The following SV2C variants were observed in gnomAD, a reference collection of about 807,000 sequenced individuals.
The protein encoded by SV2C is synaptic vesicle glycoprotein 2C.
SV2C carries 49 observed loss-of-function variants against 79.7 expected under a neutral mutation model. The observed-to-expected ratio is 0.61, with a 90% CI of 0.49 to 0.78. SV2C has a LOEUF of 0.78. SV2C is among the 30% of genes least tolerant of loss of function. SV2C has a pLI of 0.00. For synonymous variants in SV2C, 334 were observed against 333.2 expected (o/e 1.00, Z -0.03); for missense variants, 833 against 912.9 (o/e 0.91, Z 1.13).
At chr5:76,265,379 C>G (rs1198304883) in intron 4 of SV2C, among the ~76,000 whole-genome samples, 1 of 152,220 alleles carries the variant, frequency 6.6e-6, no homozygotes, top group East Asian at 1.9e-4. Context: ...TGGTTCTTAG[C>G]TTCCTGGGCT....
At chr5:75,949,007 T>C in the SV2C span, among the ~76,000 whole-genome samples, 1 of 151,854 alleles carries the variant, frequency 6.6e-6, no homozygotes, top group East Asian at 2.0e-4. Context: ...TGGGAGGTGT[T>C]TTGGTCATGG....
At chr5:75,879,323 C>T in the SV2C span, among the ~76,000 whole-genome samples, 6 of 152,214 alleles carry the variant, frequency 3.9e-5, no homozygotes, top group Non-Finnish European at 8.8e-5. Flanking sequence ...AGTTCTGTCT[C>T]ATCTGATACT....
the SV2C span, among the ~76,000 whole-genome samples, chr5:75,876,406 T>C: frequency 6.6e-6 from 1 of 151,912 alleles, no homozygotes; most frequent in East Asian, 1.9e-4. Flanking sequence ...CAACAGATAC[T>C]GGGTTCTCCT....
intron 4 of SV2C, 73 bp downstream of exon 4, chr5:76,209,960 C>T: frequency 6.6e-7 from 1 of 1,509,280 alleles, no homozygotes; most frequent in East Asian, 2.4e-5. Context: ...TCTTCTTCCT[C>T]TCTTCTAAGG....
rs188237577 is a variant in SV2C at position 76,281,351 on chromosome 5, T to A, written c.914-3811T>A. 4.3e-4 allele frequency: 151 copies of A among 348,104 alleles called. 2 individuals are homozygous for A. Among genetic ancestry groups the A allele is most frequent in the East Asian group, 2.7e-3 (35 of 13,124 alleles). The allele number at this position is 348,104 out of a possible 1,614,324, so 21.6% of individuals were successfully genotyped here. ...AAGATCTGATTTAAAATTTACTTTG[T>A]TTATTGTCTATATGCCTTTTTTAAA... On this transcript the variant is annotated intron_variant, in intron 4 of 12. Coordinates refer to ENST00000502798, the MANE Select transcript of SV2C (RefSeq NM_014979.4).
rs372393790 is a variant in SV2C, at chr5:76,318,354, G to T, written c.2001-7010G>T. Reference sequence around the variant, plus strand: ...AATCATTTGAACCTGGGAGGCGGAGGTTGCAGTGAGCCGAGATCGTGCCAC... The same window carrying T: ...AATCATTTGAACCTGGGAGGCGGAGTTTGCAGTGAGCCGAGATCGTGCCAC... On this transcript the variant is annotated intron_variant, in intron 12 of 12. Transcript: ENST00000502798. Among the ~76,000 whole-genome samples the T allele has an allele frequency of 3.3e-5, 5 of 152,128 alleles. No homozygotes were observed. In the East Asian group the frequency reaches 5.8e-4, roughly 18 times the overall value.
chr5:76,337,668 AT>A (rs1749354287), downstream of SV2C, among the ~76,000 whole-genome samples: 1 of 152,046 alleles, frequency 6.6e-6, no homozygotes. Flanking sequence ...TTCAGAGGGG[AT>A]GATAAAGACA....
At chr5:76,350,735 G>C (rs185168366) in intron 12 of SV2C, among the ~76,000 whole-genome samples, 1 of 152,332 alleles carries the variant, frequency 6.6e-6, no homozygotes, top group East Asian at 1.9e-4. Context: ...TGTAAGATGG[G>C]CTGGGCATGG....
intron 2 of SV2C, among the ~76,000 whole-genome samples, chr5:76,177,750 G>T (rs1743585530): frequency 6.6e-6 from 1 of 151,978 alleles, no homozygotes; most frequent in Non-Finnish European, 1.5e-5. Flanking sequence ...ACTTGGACAA[G>T]GCTTGGCTAG....
intron 4 of SV2C, among the ~76,000 whole-genome samples, chr5:76,221,998 A>G (rs1333599268): frequency 6.6e-6 from 1 of 152,244 alleles, no homozygotes; most frequent in Non-Finnish European, 1.5e-5. Flanking sequence ...GTATTAAAAA[A>G]TTAGTATAAA....
chr5:76,136,872 G>A (rs1749087781), intron 2 of SV2C, among the ~76,000 whole-genome samples: 1 of 152,192 alleles, frequency 6.6e-6, no homozygotes, highest in African/African-American at 2.4e-5. Context: ...GCGTAGTAGT[G>A]TTGGAGCTGA....
At chr5:75,937,120 T>G in the SV2C span, among the ~76,000 whole-genome samples, 2 of 152,232 alleles carry the variant, frequency 1.3e-5, no homozygotes, top group African/African-American at 2.4e-5. Flanking sequence ...TTAAAAACAT[T>G]GAGAATTAAA....
chr5:76,124,242 G>A (rs544952344), intron 1 of SV2C, among the ~76,000 whole-genome samples: 5 of 152,044 alleles, frequency 3.3e-5, no homozygotes, highest in East Asian at 1.9e-4. Flanking sequence ...CTGAAACTCC[G>A]TATCCATCAG....
chr5:75,899,107 C>T, the SV2C span, among the ~76,000 whole-genome samples: 3 of 152,134 alleles, frequency 2.0e-5, no homozygotes, highest in African/African-American at 2.4e-5. Flanking sequence ...TTGCCTTCTG[C>T]TAGCTTTTGA....
At chr5:76,162,859 A>C (rs1269427464) in intron 2 of SV2C, among the ~76,000 whole-genome samples, 2 of 152,182 alleles carry the variant, frequency 1.3e-5, no homozygotes, top group South Asian at 2.1e-4. Flanking sequence ...GGATTTTGTA[A>C]GGTAATAAAG....
chr5:76,104,217 A>C (rs1272759892), intron 1 of SV2C, among the ~76,000 whole-genome samples: 1 of 152,190 alleles, frequency 6.6e-6, no homozygotes, highest in Non-Finnish European at 1.5e-5. Context: ...TAATGTCAGT[A>C]TTGGCCAAGG....
chr5:75,993,093 T>C, the SV2C span, among the ~76,000 whole-genome samples: 1 of 152,030 alleles, frequency 6.6e-6, no homozygotes, highest in African/African-American at 2.4e-5. Flanking sequence ...GCAATTACTG[T>C]TCAAAGTGCT....
At chr5:75,871,998 T>G in the SV2C span, among the ~76,000 whole-genome samples, 1 of 147,272 alleles carries the variant, frequency 6.8e-6, no homozygotes, top group African/African-American at 2.5e-5. Flanking sequence ...TAACAAAATA[T>G]ATATTATTTA....
chr5:75,890,596 CT>C, the SV2C span, among the ~76,000 whole-genome samples: 1 of 152,222 alleles, frequency 6.6e-6, no homozygotes, highest in African/African-American at 2.4e-5. Flanking sequence ...GGTCTATCTC[CT>C]GCTTAGAGGA....
Sources: gnomAD v4.1 joint callset for allele counts (sites outside exome capture counted in the v4.1 genomes callset) on GRCh38, gnomAD v4.1.1 for gene constraint, MANE v1.5 for transcripts, NCBI Gene and HGNC (gene_info 2026-07-23, HGNC 2026-07-21) for gene names.